HMOX1: variants seen among roughly 807,000 people sequenced by gnomAD.
HMOX1 encodes the protein heme oxygenase 1.
HMOX1 carries 22 observed loss-of-function variants against 27.8 expected under a neutral mutation model. The observed-to-expected ratio is 0.79, with a 90% CI of 0.57 to 1.13. The LOEUF is 1.13. Ranked by LOEUF, HMOX1 falls within the 50% of genes most tolerant of loss-of-function variation. The pLI, the probability that HMOX1 is intolerant of heterozygous loss-of-function variation, is 0.00. For missense variants in HMOX1, 379 were observed against 377.7 expected (o/e 1.00, Z -0.03); for synonymous variants, 153 against 151.6 (o/e 1.01, Z -0.07).
chr22:35,387,996 G>T (rs1375109967), intron 3 of HMOX1, among the ~76,000 whole-genome samples: 1 of 152,206 alleles, frequency 6.6e-6, no homozygotes, highest in African/African-American at 2.4e-5. Context: ...AGGTGCAGTG[G>T]CTCGCGCCTG....
intron 3 of HMOX1, among the ~76,000 whole-genome samples, chr22:35,389,341 CTCCT>C (rs1232057826): frequency 0.056 from 3,475 of 62,366 alleles, 246 homozygotes; most frequent in Middle Eastern, 0.071. Context: ...TTTCTTTCTT[CTCCT>C]TCCTTCCTTC....
chr22:35,389,270 CTCTCCTCT>C lies in HMOX1; in HGVS notation c.637-593_637-586del, dbSNP rs1275028311. 1.2e-3 allele frequency among the ~76,000 whole-genome samples: 138 copies of C among 119,582 alleles called. 32 individuals carry two copies. Among genetic ancestry groups the C allele is most frequent in the African/African-American group, 5.7e-3 (120 of 21,098 alleles). 78.5% of individuals were successfully genotyped at this position (119,582 alleles called of 152,430 possible). On this transcript the variant is annotated intron_variant, in intron 3 of 4. Coordinates refer to ENST00000216117, the MANE Select transcript of HMOX1 (RefSeq NM_002133.3). ...TTCTTTTCTCTCTCTCTCTCTCTCT[CTCTCCTCT>C]CTCTCTCTCTCTTCTTTCTTCTTTC...
chr22:35,388,784 G>T (rs1931573180), intron 3 of HMOX1, among the ~76,000 whole-genome samples: 2 of 149,726 alleles, frequency 1.3e-5, no homozygotes, highest in Non-Finnish European at 3.0e-5. Context: ...GAGACAGAGT[G>T]AGACTCCGTA....
At chr22:35,388,901 A>G (rs984880572) in intron 3 of HMOX1, among the ~76,000 whole-genome samples, 23 of 152,300 alleles carry the variant, frequency 1.5e-4, no homozygotes, top group African/African-American at 4.8e-4. Flanking sequence ...CCTCATCTGC[A>G]AGGCTAACAA....
intron 1 of HMOX1, among the ~76,000 whole-genome samples, chr22:35,382,719 A>G (rs1005069476): frequency 3.4e-5 from 5 of 147,582 alleles, no homozygotes; most frequent in Non-Finnish European, 7.4e-5. Flanking sequence ...CCAAGTCTGG[A>G]GTGCAGTGGT....
chr22:35,391,741 G>A (rs1295504651), intron 4 of HMOX1, among the ~76,000 whole-genome samples: 1 of 149,930 alleles, frequency 6.7e-6, no homozygotes, highest in South Asian at 2.1e-4. Context: ...CTATAGGCAC[G>A]TGCCACCACA....
In HMOX1 at chr22:35,393,711, G is replaced by T; in HGVS notation, c.*113G>T. 20 of 1,262,182 alleles carry T rather than the reference G, an allele frequency of 1.6e-5. No individual in the cohort carries two copies. Among genetic ancestry groups the T allele is most frequent in the Non-Finnish European group, 2.2e-5 (19 of 864,720 alleles). The allele number at this position is 1,262,182 out of a possible 1,614,324, so 78.2% of individuals were successfully genotyped here. On this transcript the variant is annotated 3_prime_UTR_variant, in exon 5 of 5. Coordinates refer to ENST00000216117, the MANE Select transcript of HMOX1 (RefSeq NM_002133.3). ...TACCGTGGGCACTGAAGGCTTTCAG[G>T]GCCTCCAGCCCTCTCACTGTGTCCC...
chr22:35,393,317 G>C (rs112368246), intron 4 of HMOX1, 151 bp from the exon 5 acceptor site: 11 of 906,800 alleles, frequency 1.2e-5, no homozygotes, highest in East Asian at 2.4e-5. Context: ...GCAGTGGCTA[G>C]AGGGACACCT....
At chr22:35,393,270 A>G (rs2285112) in intron 4 of HMOX1, among the ~76,000 whole-genome samples, 198 bp from the exon 5 acceptor site, 70,623 of 151,990 alleles carry the variant, frequency 0.46, 17,810 homozygotes, top group African/African-American at 0.68. Flanking sequence ...AGACAGCTTG[A>G]AGAAGTAGTG....
chr22:35,386,016 C>T (rs1218170006), intron 2 of HMOX1, among the ~76,000 whole-genome samples: 1 of 151,690 alleles, frequency 6.6e-6, no homozygotes, highest in Admixed American at 6.6e-5. Flanking sequence ...AGTGCAGTGG[C>T]GAGATCTCAG....
intron 1 of HMOX1, among the ~76,000 whole-genome samples, chr22:35,381,956 A>G (rs1931396393): frequency 6.6e-6 from 1 of 152,184 alleles, no homozygotes; most frequent in African/African-American, 2.4e-5. Context: ...GACCCATGAC[A>G]GAAATACTCC....
intron 2 of HMOX1, among the ~76,000 whole-genome samples, chr22:35,384,195 C>T (rs969461844): frequency 6.6e-6 from 1 of 152,122 alleles, no homozygotes; most frequent in East Asian, 1.9e-4. Flanking sequence ...GATTCTCCTG[C>T]CTCAGCCTCC....
intron 3 of HMOX1, 62 bp downstream of exon 3, chr22:35,387,238 T>C: frequency 6.3e-7 from 1 of 1,595,482 alleles, no homozygotes; most frequent in Non-Finnish European, 8.6e-7. Flanking sequence ...AAGGGACCCT[T>C]CTCATTGTAG....
intron 4 of HMOX1, among the ~76,000 whole-genome samples, chr22:35,391,864 T>C (rs774669702): frequency 5.9e-5 from 9 of 151,802 alleles, no homozygotes; most frequent in Non-Finnish European, 1.2e-4. Context: ...TTATGTGACA[T>C]GTGATGCTCT....
At chr22:35,381,448 C>G in intron 1 of HMOX1, 1 of 571,534 alleles carries the variant, frequency 1.7e-6, no homozygotes. Flanking sequence ...CTAGAGTATC[C>G]AGTCTTTGAG....
chr22:35,389,223 T>C (rs1168082419), intron 3 of HMOX1, among the ~76,000 whole-genome samples: 1 of 127,492 alleles, frequency 7.8e-6, no homozygotes, highest in Non-Finnish European at 1.6e-5. Context: ...CTCTCTTTCT[T>C]TCTTTCTTTC....
Position 35,385,433 on chromosome 22 carries a change from A to ATTT in HMOX1, c.145-1236_145-1234dup, listed in dbSNP as rs199925853. ...ATGGGAATAGCAATTCCTTTGTTGG[A>ATTT]TTTTTTTTTTTTTTTTTTCTGAGAC... On this transcript the variant is annotated intron_variant, in intron 2 of 4. Coordinates refer to ENST00000216117, the MANE Select transcript of HMOX1 (RefSeq NM_002133.3). Among the ~76,000 whole-genome samples the ATTT allele has an allele frequency of 2.6e-3, 320 of 124,700 alleles. 2 individuals are homozygous for ATTT. The highest frequency in any genetic ancestry group is 8.3e-3 in the Middle Eastern group (2 of 242). 81.8% of individuals were successfully genotyped at this position (124,700 alleles called of 152,430 possible). A position where few individuals can be genotyped will look rare whatever the true frequency, so the allele number is the denominator to read the frequency against.
At chr22:35,390,246 G>T in intron 4 of HMOX1, 2 of 449,126 alleles carry the variant, frequency 4.5e-6, no homozygotes, top group Admixed American at 3.4e-5. Context: ...TGTTGTTGTT[G>T]TTTGAGATGG....
chr22:35,385,988 C>T (rs1931492980), intron 2 of HMOX1, among the ~76,000 whole-genome samples: 1 of 151,382 alleles, frequency 6.6e-6, no homozygotes, highest in African/African-American at 2.4e-5. Context: ...CAGAATTTCG[C>T]TGTGTTGCCC....
Sources: gnomAD v4.1 joint callset for allele counts (sites outside exome capture counted in the v4.1 genomes callset) on GRCh38, gnomAD v4.1.1 for gene constraint, MANE v1.5 for transcripts, NCBI Gene and HGNC (gene_info 2026-07-23, HGNC 2026-07-21) for gene names.